Variants in YTHDC2 observed in about 807,000 individuals in gnomAD.
YTHDC2 encodes the protein YTH N6-methyladenosine RNA binding protein C2.
YTHDC2 carries 45 observed loss-of-function variants against 174.9 expected under a neutral mutation model. The observed-to-expected ratio is 0.26, with a 90% confidence interval of 0.20 to 0.33. YTHDC2 has a LOEUF of 0.33. Among genes scored for constraint, YTHDC2 ranks in the 10% least tolerant of loss-of-function variants. The pLI, the probability that YTHDC2 is intolerant of heterozygous loss-of-function variation, is 1.00. For missense variants in YTHDC2, 1,650 were observed against 1,723.7 expected, an observed-to-expected ratio of 0.96 and a Z score of 0.76; for synonymous variants, 657 against 574.5, an observed-to-expected ratio of 1.14 and a Z score of -2.05.
At chr5:113,584,941 A>G (rs957082018) in intron 26 of YTHDC2, among the ~76,000 whole-genome samples, 3 of 149,906 alleles carry the variant, frequency 2.0e-5, no homozygotes, top group South Asian at 2.1e-4. Context: ...TGCCCAGCTG[A>G]TTAAAGAAAA....
intron 2 of YTHDC2, among the ~76,000 whole-genome samples, chr5:113,520,575 T>A (rs1773796183): frequency 6.6e-6 from 1 of 152,082 alleles, no homozygotes; most frequent in East Asian, 1.9e-4. Context: ...TGGTGCTGAT[T>A]CATCTCTGGC....
In YTHDC2 at chr5:113,515,325, CTCAG is replaced by C. The variant is rs2112506032; in HGVS notation, c.248_251del (p.Gln83LeufsTer17). Reference sequence around the variant, plus strand: ...TACTGAAAGAGCCTTTATTCATCGACTCAGTCAGTCTCTTGGTTTGGTCTCTAAA... The same window carrying C: ...TACTGAAAGAGCCTTTATTCATCGACTCAGTCTCTTGGTTTGGTCTCTAAA... On this transcript the variant is annotated frameshift_variant, in exon 2 of 30. Coordinates refer to ENST00000161863, the MANE Select transcript of YTHDC2 (RefSeq NM_022828.5). LOFTEE classifies it high-confidence loss of function. The C allele has an allele frequency of 6.2e-7, 1 of 1,612,792 alleles. No homozygotes were observed. Among genetic ancestry groups the C allele is most frequent in the Non-Finnish European group, 8.5e-7 (1 of 1,179,758 alleles).
chr5:113,585,349 G>C (rs1778623894), intron 26 of YTHDC2, among the ~76,000 whole-genome samples: 1 of 152,122 alleles, frequency 6.6e-6, no homozygotes, highest in South Asian at 2.1e-4. Flanking sequence ...TATTTGATTA[G>C]GGGTTATTTA....
intron 24 of YTHDC2, 121 bp from the exon 25 acceptor site, chr5:113,581,296 A>T: frequency 1.1e-6 from 1 of 905,420 alleles, no homozygotes; most frequent in Non-Finnish European, 1.5e-6. Context: ...ATTAGTAGTA[A>T]ATTATATGAA....
intron 26 of YTHDC2, among the ~76,000 whole-genome samples, chr5:113,586,996 ATATT>A (rs1160678644): frequency 0.026 from 30 of 1,170 alleles, no homozygotes; most frequent in Non-Finnish European, 0.033. Context: ...ATATAAATAT[ATATT>A]ATGTATTCAT....
chr5:113,544,157 T>G (rs1775684062), intron 10 of YTHDC2, among the ~76,000 whole-genome samples: 1 of 152,146 alleles, frequency 6.6e-6, no homozygotes, highest in South Asian at 2.1e-4. Context: ...ATTATTATTA[T>G]TGTTATTTTT....
At chr5:113,540,644 C>T (rs112938209) in intron 8 of YTHDC2, among the ~76,000 whole-genome samples, 2,467 of 152,194 alleles carry the variant, frequency 0.016, 34 homozygotes, top group Non-Finnish European at 0.026. Context: ...ATCATGAGAA[C>T]AGCATGGGGG....
At chr5:113,591,963 C>T (rs1779026518) in intron 27 of YTHDC2, 33 bp from the exon 28 acceptor site, 1 of 1,477,852 alleles carries the variant, frequency 6.8e-7, no homozygotes, top group South Asian at 1.5e-5. Flanking sequence ...ATCTCCTCCT[C>T]ACCTCTATTC....
rs1466873913 is a variant in YTHDC2, at chr5:113,567,234, G to C, written c.2985G>C (p.Gly995=). 3 of 1,613,116 alleles carry C rather than the reference G, an allele frequency of 1.9e-6. No homozygotes were observed. The African/African-American group carries it at 4.0e-5, about 22-fold the overall frequency. The stretch of plus-strand genomic sequence containing the variant: ...ACAGAGAGAATCTAGTGTTGACAGG[G>C]CCAAAGGAGAAAAAAGTACGATTTC... ...HVDRENLVLT[G]PKEKKVRFHP... Residue 995 remains glycine, a synonymous_variant, in exon 22 of 30, where the codon GGG becomes GGC. Transcript: ENST00000161863.
intron 23 of YTHDC2, among the ~76,000 whole-genome samples, chr5:113,569,309 GA>G (rs1777563366): frequency 1.3e-5 from 2 of 152,120 alleles, no homozygotes; most frequent in Non-Finnish European, 2.9e-5. Flanking sequence ...TTCCTCTGAT[GA>G]TAGTTGTTTC....
chr5:113,549,301 CAATG>C (rs1412745841), intron 12 of YTHDC2, among the ~76,000 whole-genome samples: 1 of 151,916 alleles, frequency 6.6e-6, no homozygotes. Flanking sequence ...ACTAAAATGA[CAATG>C]AAGCAATATA....
At chr5:113,534,177 C>T in intron 5 of YTHDC2, 128 bp from the exon 6 acceptor site, 1 of 599,200 alleles carries the variant, frequency 1.7e-6, no homozygotes, top group Non-Finnish European at 2.8e-6. Flanking sequence ...TACTAATAAA[C>T]TGTACATACC....
At chr5:113,536,051 T>C (rs564516933) in intron 7 of YTHDC2, among the ~76,000 whole-genome samples, 175 of 152,350 alleles carry the variant, frequency 1.1e-3, no homozygotes, top group African/African-American at 4.1e-3. Flanking sequence ...TTGTGTTCCT[T>C]CTTAAATTGT....
chr5:113,525,956 C>G (rs1774199387), intron 3 of YTHDC2, among the ~76,000 whole-genome samples: 1 of 151,930 alleles, frequency 6.6e-6, no homozygotes, highest in Non-Finnish European at 1.5e-5. Context: ...CATTTCATAC[C>G]TCTTCTTTAT....
chr5:113,549,305 G>T (rs1776094166), intron 12 of YTHDC2, among the ~76,000 whole-genome samples: 1 of 152,052 alleles, frequency 6.6e-6, no homozygotes, highest in Non-Finnish European at 1.5e-5. Flanking sequence ...AAATGACAAT[G>T]AAGCAATATA....
chr5:113,556,065 C>T lies in YTHDC2; in HGVS notation c.2147C>T (p.Ala716Val). The T allele has an allele frequency of 1.2e-6, 2 of 1,600,354 alleles. No individual in the cohort carries two copies. Among genetic ancestry groups the T allele is most frequent in the East Asian group, 2.2e-5 (1 of 44,594 alleles). The change falls in exon 17 of 30, where the codon GCT becomes GTT. Residue 716 changes from alanine to valine, a missense_variant. Ala to Val is a moderately conservative substitution (Grantham distance 64, BLOSUM62 0). Transcript: ENST00000161863. Reference protein sequence around the residue: ...SGKVKEKSFDALNFVTMLKMV... With the variant: ...SGKVKEKSFDVLNFVTMLKMV... ...TAAATATTACAGAAATCCTTTGATG[C>T]TCTGAATTTTGTTACAATGTTAAAA...
chr5:113,548,894 C>A, intron 11 of YTHDC2, 61 bp from the exon 12 acceptor site: 1 of 1,492,196 alleles, frequency 6.7e-7, no homozygotes, highest in Non-Finnish European at 9.2e-7. Flanking sequence ...GTTGCCCAGG[C>A]TCATCATGAA....
At chr5:113,527,747 AT>A (rs5870545) in intron 4 of YTHDC2, among the ~76,000 whole-genome samples, 31,073 of 151,878 alleles carry the variant, frequency 0.2, 3,655 homozygotes, top group Admixed American at 0.34. Context: ...ACATGATGAA[AT>A]TTTTTTCTGA....
chr5:113,593,996 T>G lies in YTHDC2; in HGVS notation c.*522T>G, dbSNP rs1271554475. Reference sequence around the variant, plus strand: ...CTACAAGTGTCCCTTTTAAAAATAGTGTGTGCTAACTAAGGGCTATTCATT... The same window carrying G: ...CTACAAGTGTCCCTTTTAAAAATAGGGTGTGCTAACTAAGGGCTATTCATT... On this transcript the variant is annotated 3_prime_UTR_variant, in exon 30 of 30. Coordinates refer to ENST00000161863, the MANE Select transcript of YTHDC2 (RefSeq NM_022828.5). 3 of 152,178 alleles carry G rather than the reference T, an allele frequency of 2.0e-5. No individual in the cohort carries two copies. The highest frequency in any genetic ancestry group is 1.3e-4 in the Admixed American group (2 of 15,260). The allele number at this position is 152,178 out of a possible 1,614,324, so 9.4% of individuals were successfully genotyped here. A position where few individuals can be genotyped will look rare whatever the true frequency, so the allele number is the denominator to read the frequency against.
Sources: gnomAD v4.1 joint callset for allele counts (sites outside exome capture counted in the v4.1 genomes callset) on GRCh38, gnomAD v4.1.1 for gene constraint, MANE v1.5 for transcripts, NCBI Gene and HGNC (gene_info 2026-07-23, HGNC 2026-07-21) for gene names.